KSR1: variants seen among roughly 807,000 people sequenced by gnomAD.
KSR1 encodes kinase suppressor of ras.
A neutral mutation model predicts 92.9 loss-of-function variants in KSR1; 35 were observed. The observed-to-expected ratio is 0.38, with a 90% CI of 0.29 to 0.50. The LOEUF is 0.50. Ranked by LOEUF, KSR1 falls within the 20% of genes least tolerant of loss-of-function variation. The probability of loss-of-function intolerance (pLI) is 0.94; values close to 1 mark genes in which losing one functional copy is unlikely to be tolerated. For synonymous variants in KSR1, 467 were observed against 472.6 expected (o/e 0.99, Z 0.15); for missense variants, 972 against 1,158.5 (o/e 0.84, Z 2.34).
chr17:27,507,747 G>C (rs2069447447), intron 1 of KSR1, among the ~76,000 whole-genome samples: 1 of 151,472 alleles, frequency 6.6e-6, no homozygotes, highest in Non-Finnish European at 1.5e-5. Flanking sequence ...TGGCTAATTT[G>C]TATTTTTAGT....
At chr17:27,616,534 A>G (rs192779570) in intron 18 of KSR1, among the ~76,000 whole-genome samples, 4 of 152,226 alleles carry the variant, frequency 2.6e-5, no homozygotes, top group Admixed American at 2.0e-4. Flanking sequence ...CTCCAGAGAC[A>G]GTATCTTGAT....
intron 1 of KSR1, among the ~76,000 whole-genome samples, chr17:27,474,904 C>A (rs2068291832): frequency 6.6e-6 from 1 of 152,120 alleles, no homozygotes; most frequent in South Asian, 2.1e-4. Context: ...GCAAGATTCC[C>A]ATCCCTAAAA....
intron 11 of KSR1, 146 bp from the exon 12 acceptor site, chr17:27,603,688 G>A: frequency 2.6e-6 from 2 of 758,564 alleles, no homozygotes; most frequent in Non-Finnish European, 4.5e-6. Flanking sequence ...GGCCCAGGCT[G>A]GTCCTTGTGG....
intron 13 of KSR1, among the ~76,000 whole-genome samples, chr17:27,605,033 T>C (rs2073702987): frequency 3.9e-5 from 6 of 152,200 alleles, no homozygotes; most frequent in Admixed American, 3.9e-4. Context: ...GCTTGGAGAA[T>C]GTTAACAGAC....
intron 1 of KSR1, among the ~76,000 whole-genome samples, chr17:27,510,285 A>T (rs1388400412): frequency 6.6e-6 from 1 of 152,190 alleles, no homozygotes; most frequent in African/African-American, 2.4e-5. Flanking sequence ...GCTCTTCCTG[A>T]CCGTGGTTAT....
chr17:27,484,341 C>T lies in KSR1; in HGVS notation c.231+27467C>T, dbSNP rs140567407. On this transcript the variant is annotated intron_variant, in intron 1 of 20. Transcript: ENST00000644974. ...CTGCCTCCCAGGTTCAAGCAATTCT[C>T]CTGCCTTAGCCTCTGGAGTTGCTGG... 1.3e-4 allele frequency among the ~76,000 whole-genome samples: 20 copies of T among 152,346 alleles called. No homozygotes were observed. The East Asian group carries it at 3.9e-3, about 29-fold the overall frequency.
chr17:27,586,131 G>C (rs748724180), intron 5 of KSR1: 1 of 172,630 alleles, frequency 5.8e-6, no homozygotes, highest in African/African-American at 2.4e-5. Flanking sequence ...GAAATGTAGC[G>C]CAGCTCTGAA....
intron 1 of KSR1, among the ~76,000 whole-genome samples, chr17:27,471,318 C>G (rs548131688): frequency 2.0e-5 from 3 of 152,292 alleles, no homozygotes; most frequent in African/African-American, 7.2e-5. Context: ...GACGTGCTCT[C>G]AGAAGAAAAC....
chr17:27,525,255 C>T (rs573597032), intron 1 of KSR1, among the ~76,000 whole-genome samples: 7 of 152,342 alleles, frequency 4.6e-5, no homozygotes, highest in African/African-American at 1.4e-4. Flanking sequence ...TTGTGCACTG[C>T]ACAAGGGGGT....
At chr17:27,483,086 A>G (rs1477949204) in intron 1 of KSR1, among the ~76,000 whole-genome samples, 3 of 152,124 alleles carry the variant, frequency 2.0e-5, no homozygotes, top group Non-Finnish European at 4.4e-5. Flanking sequence ...TTATCTGCTC[A>G]TGTGATGTGG....
intron 1 of KSR1, among the ~76,000 whole-genome samples, chr17:27,536,697 C>CA (rs977971695): frequency 1.1e-4 from 17 of 151,286 alleles, no homozygotes; most frequent in African/African-American, 2.7e-4. Flanking sequence ...CTGACTGAAA[C>CA]AAAAAAAAAG....
In KSR1 at chr17:27,596,348, C is replaced by T. The variant is rs28550933; in HGVS notation, c.1300-920C>T. ...GATAGGAAACAGAGTGCCCCTCCTC[C>T]CTGGCGCAGCATCCTCTGTGTTGTG... On this transcript the variant is annotated intron_variant, in intron 9 of 20. Transcript: ENST00000644974. 3.9e-3 allele frequency among the ~76,000 whole-genome samples: 599 copies of T among 152,300 alleles called. 3 individuals are homozygous for T. Among genetic ancestry groups the T allele is most frequent in the African/African-American group, 0.013 (559 of 41,568 alleles).
intron 5 of KSR1, among the ~76,000 whole-genome samples, chr17:27,586,555 G>A (rs553386821): frequency 3.7e-4 from 56 of 152,204 alleles, no homozygotes; most frequent in African/African-American, 1.3e-3. Context: ...CTTAGTGCCC[G>A]GGCAGAAACT....
intron 11 of KSR1, chr17:27,601,899 C>A: frequency 6.2e-7 from 1 of 1,608,986 alleles, no homozygotes. Context: ...ACAGTGCCAT[C>A]TGCTGGCCAT....
chr17:27,593,987 C>A (rs1393504754), intron 9 of KSR1, among the ~76,000 whole-genome samples: 3 of 152,130 alleles, frequency 2.0e-5, no homozygotes, highest in African/African-American at 7.2e-5. Context: ...CCCTGATGAC[C>A]CAGTTACCTC....
At position 27,597,311 on chromosome 17, in the gene KSR1, C is replaced by G; in HGVS notation, c.1343C>G (p.Pro448Arg). 1 of 1,607,622 alleles carries G rather than the reference C, an allele frequency of 6.2e-7. No homozygotes were observed. The highest frequency in any genetic ancestry group is 8.5e-7 in the Non-Finnish European group (1 of 1,177,178). ...AATCACCTGGACTCCAGCAGCAACCCTTCCTCCACCACCTCCTCCACACCC... is the reference window on the plus strand; with the variant it reads ...AATCACCTGGACTCCAGCAGCAACCGTTCCTCCACCACCTCCTCCACACCC... ...AMNHLDSSSN[P>R]SSTTSSTPSS... The change falls in exon 10 of 21, where the codon CCT (proline) becomes CGT (arginine). Residue 448 changes from proline to arginine, a missense_variant. By Grantham distance (103) the Pro-to-Arg change is moderately radical (BLOSUM62 -2). This residue lies in a region of KSR1 where 611 missense variants were observed against 668.0 expected (regional missense o/e 0.91). Transcript: ENST00000644974.
chr17:27,543,214 G>C (rs1314833388), intron 1 of KSR1, among the ~76,000 whole-genome samples: 2 of 152,242 alleles, frequency 1.3e-5, no homozygotes, highest in African/African-American at 4.8e-5. Context: ...TATTGCTCCA[G>C]CTCCACTGTG....
chr17:27,566,691 G>A (rs184402434), intron 2 of KSR1: 187 of 397,016 alleles, frequency 4.7e-4, no homozygotes, highest in African/African-American at 1.4e-3. Context: ...TGGAGAAATC[G>A]CATGTTGGGG....
At chr17:27,525,866 CA>C (rs2070240124) in intron 1 of KSR1, among the ~76,000 whole-genome samples, 1 of 152,188 alleles carries the variant, frequency 6.6e-6, no homozygotes, top group Non-Finnish European at 1.5e-5. Flanking sequence ...CCCTAAACAT[CA>C]AACTGGAGAA....
Sources: allele counts gnomAD v4.1 joint callset (sites outside exome capture counted in the v4.1 genomes callset), GRCh38; gene constraint gnomAD v4.1.1; regional missense constraint gnomAD v4.1.1; transcripts MANE v1.5; gene names NCBI Gene and HGNC (gene_info 2026-07-23, HGNC 2026-07-21).